PDE8A: variants seen among roughly 807,000 people sequenced by gnomAD.
The protein encoded by PDE8A is high affinity cAMP-specific and IBMX-insensitive 3',5'-cyclic phosphodiesterase 8A.
Under a neutral mutation model 105.0 loss-of-function variants are expected in PDE8A, and 59 were observed. That is an observed-to-expected ratio of 0.56 (90% confidence interval 0.46 to 0.70). The LOEUF (loss-of-function observed/expected upper bound fraction) is 0.70. PDE8A is among the 30% of genes least tolerant of loss of function. The pLI, the probability that PDE8A is intolerant of heterozygous loss-of-function variation, is 0.00. For missense variants in PDE8A, 1,014 were observed against 1,045.9 expected, an observed-to-expected ratio of 0.97 and a Z score of 0.42; for synonymous variants, 355 against 371.9, an observed-to-expected ratio of 0.95 and a Z score of 0.52.
At chr15:85,094,192 C>T (rs766738319) in intron 8 of PDE8A, among the ~76,000 whole-genome samples, 3 of 151,720 alleles carry the variant, frequency 2.0e-5, no homozygotes, top group African/African-American at 4.8e-5. Flanking sequence ...TTTTTTTTCC[C>T]TCCCTCAGAA....
chr15:84,982,560 G>A (rs117370946), intron 1 of PDE8A, among the ~76,000 whole-genome samples: 10,450 of 152,270 alleles, frequency 0.069, 513 homozygotes, highest in Non-Finnish European at 0.1. Flanking sequence ...ATTTCCTAGG[G>A]TTGCGATTAG....
chr15:85,076,679 T>G, intron 4 of PDE8A, 54 bp from the exon 5 acceptor site: 60 of 1,016,382 alleles, frequency 5.9e-5, no homozygotes, highest in Non-Finnish European at 8.7e-5. Flanking sequence ...GTAAAAGAGG[T>G]GAGATGTAAT....
intron 1 of PDE8A, among the ~76,000 whole-genome samples, chr15:84,986,052 C>CT (rs766618396): frequency 1.3e-5 from 2 of 152,042 alleles, no homozygotes; most frequent in Non-Finnish European, 2.9e-5. Context: ...TCTCAAGACT[C>CT]TGTCTCTACC....
intron 19 of PDE8A, among the ~76,000 whole-genome samples, chr15:85,125,134 C>T (rs182167148): frequency 9.2e-5 from 14 of 152,208 alleles, no homozygotes; most frequent in Admixed American, 2.6e-4. Flanking sequence ...GAAGTGTCAC[C>T]GGTGTAGTAT....
chr15:85,093,694 T>C (rs2081688885), intron 8 of PDE8A, among the ~76,000 whole-genome samples: 1 of 152,228 alleles, frequency 6.6e-6, no homozygotes, highest in South Asian at 2.1e-4. Flanking sequence ...AACAGGTATG[T>C]TGATTTCCAG....
chr15:85,099,747 A>G (rs2081826559), intron 9 of PDE8A: 2 of 450,668 alleles, frequency 4.4e-6, no homozygotes, highest in Non-Finnish European at 7.8e-6. Context: ...CATGCAGTTC[A>G]TTTTAAAAAA....
chr15:85,100,541 C>T (rs2081844346), intron 11 of PDE8A, among the ~76,000 whole-genome samples: 1 of 152,228 alleles, frequency 6.6e-6, no homozygotes, highest in South Asian at 2.1e-4. Flanking sequence ...GGGATGTCTT[C>T]ATCTGTCCTG....
At chr15:85,011,804 A>C (rs1052810687) in intron 1 of PDE8A, among the ~76,000 whole-genome samples, 1 of 152,230 alleles carries the variant, frequency 6.6e-6, no homozygotes, top group African/African-American at 2.4e-5. Context: ...TCATCTGACA[A>C]AGGGCTAATA....
chr15:85,111,662 C>T (rs1424197387), intron 12 of PDE8A, among the ~76,000 whole-genome samples: 1 of 152,146 alleles, frequency 6.6e-6, no homozygotes, highest in East Asian at 1.9e-4. Context: ...CTTGGCCGTT[C>T]TAGGTCCTTT....
chr15:84,985,985 G>A (rs2079795831), intron 1 of PDE8A, among the ~76,000 whole-genome samples: 2 of 152,280 alleles, frequency 1.3e-5, no homozygotes, highest in South Asian at 2.1e-4. Context: ...AGCACTTTGG[G>A]AGGCCAAGGC....
At chr15:85,019,953 T>TGG in intron 1 of PDE8A, among the ~76,000 whole-genome samples, 1 of 140,508 alleles carries the variant, frequency 7.1e-6, no homozygotes, top group South Asian at 2.4e-4. Context: ...GTTTTTTTTT[T>TGG]TTTTTTTTTT....
At chr15:85,089,917 G>A (rs2081614112) in intron 7 of PDE8A, among the ~76,000 whole-genome samples, 1 of 152,184 alleles carries the variant, frequency 6.6e-6, no homozygotes, top group African/African-American at 2.4e-5. Context: ...GGGTTTATAT[G>A]AGTGACTTAA....
intron 14 of PDE8A, 102 bp downstream of exon 14, chr15:85,114,139 CTGTAGGG>C: frequency 9.9e-7 from 1 of 1,009,174 alleles, no homozygotes; most frequent in Non-Finnish European, 1.5e-6. Context: ...AGGCAGGGCT[CTGTAGGG>C]TTCAGTCAAG....
In PDE8A at chr15:85,136,622, T is replaced by C. The variant is rs770311203; in HGVS notation, c.2342T>C (p.Phe781Ser). ...TCSIPKSQIS[F>S]IDYFITDMFD... is the part of the protein sequence containing the mutation. ...AGCATCCCCAAATCCCAAATCTCTTTCATTGATTACTTCATCACAGACATG... is the reference window on the plus strand; with the variant it reads ...AGCATCCCCAAATCCCAAATCTCTTCCATTGATTACTTCATCACAGACATG... Residue 781 changes from phenylalanine (F) to serine (S), a missense_variant, in exon 21 of 22, where the codon TTC becomes TCC. By Grantham distance (155) the Phe-to-Ser change is radical. Transcript: ENST00000394553. 1.2e-6 allele frequency: 2 copies of C among 1,613,796 alleles called. No individual in the cohort carries two copies. Among genetic ancestry groups the C allele is most frequent in the Non-Finnish European group, 1.7e-6 (2 of 1,179,880 alleles).
At chr15:85,062,116 T>G (rs1309147986) in intron 1 of PDE8A, among the ~76,000 whole-genome samples, 1 of 152,218 alleles carries the variant, frequency 6.6e-6, no homozygotes, top group Non-Finnish European at 1.5e-5. Flanking sequence ...TGCTGTTGAT[T>G]TAGTTTTTTT....
intron 5 of PDE8A, among the ~76,000 whole-genome samples, chr15:85,081,264 G>A (rs527422115): frequency 6.6e-6 from 1 of 152,318 alleles, no homozygotes; most frequent in South Asian, 2.1e-4. Flanking sequence ...TGGAGGACCT[G>A]CTAGCTTCCT....
At chr15:85,008,602 C>T (rs1268584060) in intron 1 of PDE8A, among the ~76,000 whole-genome samples, 1 of 152,112 alleles carries the variant, frequency 6.6e-6, no homozygotes, top group Non-Finnish European at 1.5e-5. Flanking sequence ...ATACCTTATC[C>T]TGGCTACCTG....
At chr15:85,054,734 G>A (rs1001252194) in intron 1 of PDE8A, among the ~76,000 whole-genome samples, 5 of 152,128 alleles carry the variant, frequency 3.3e-5, no homozygotes, top group African/African-American at 4.8e-5. Context: ...GCGGTCTGTC[G>A]ATTTTGTTGA....
At chr15:85,095,658 TATG>T (rs1451249034) in intron 8 of PDE8A, among the ~76,000 whole-genome samples, 2 of 151,908 alleles carry the variant, frequency 1.3e-5, no homozygotes, top group Non-Finnish European at 2.9e-5. Context: ...CTAAATCTTA[TATG>T]ATATTTATGT....
Sources: allele counts gnomAD v4.1 joint callset (sites outside exome capture counted in the v4.1 genomes callset), GRCh38; gene constraint gnomAD v4.1.1; transcripts MANE v1.5; gene names NCBI Gene and HGNC (gene_info 2026-07-23, HGNC 2026-07-21).